Variants in GPR62 observed in about 807,000 individuals in gnomAD.
The protein encoded by GPR62 is G-protein coupled receptor GPCR8.
For synonymous variants in GPR62, 280 were observed against 286.9 expected (o/e 0.98, Z 0.24); for missense variants, 513 against 541.5 (o/e 0.95, Z 0.52).
chr3:51,955,694 C>T lies in GPR62; in HGVS notation c.42C>T (p.Gly14=). 2 of 1,609,306 alleles carry T rather than the reference C, an allele frequency of 1.2e-6. No homozygotes were observed. The highest frequency in any genetic ancestry group is 1.7e-6 in the Non-Finnish European group (2 of 1,177,740). ...GGCTGAACGCCTCAGAAGTCGCAGGCTCGTTGGGGTTGATCCTGGCAGCTG... is the reference window on the plus strand; with the variant it reads ...GGCTGAACGCCTCAGAAGTCGCAGGTTCGTTGGGGTTGATCCTGGCAGCTG... The part of the protein sequence containing the change: ...STGLNASEVA[G]SLGLILAAVV... The change falls in exon 1 of 1, where the codon GGC becomes GGT. Residue 14 remains glycine (G), a synonymous_variant. Coordinates refer to ENST00000322241, the MANE Select transcript of GPR62 (RefSeq NM_080865.4).
Position 51,956,894 on chromosome 3 carries a change from C to G in GPR62, c.*135C>G. ...GCTGCCTGGTGAGGCCCACGGACTT[C>G]TGAGAGCCAGGAATCCTGCGGTCTG... On this transcript the variant is annotated 3_prime_UTR_variant, in exon 1 of 1. Coordinates refer to ENST00000322241, the MANE Select transcript of GPR62 (RefSeq NM_080865.4). 1 of 1,431,568 alleles carries G rather than the reference C, an allele frequency of 7.0e-7. No individual in the cohort carries two copies. The highest frequency in any genetic ancestry group is 9.2e-7 in the Non-Finnish European group (1 of 1,083,598). The allele number at this position is 1,431,568 out of a possible 1,614,324, so 88.7% of individuals were successfully genotyped here.
Position 51,956,696 on chromosome 3 carries a change from C to G in GPR62, c.1044C>G (p.Thr348=), listed in dbSNP as rs1364296644. ...GCCCTTCTGAGGCTCCAGAACAGAC[C>G]CCCGAGTTGGCAGGAGGGCGGAGCC... ...AVGPSEAPEQ[T]PELAGGRSPA... The change falls in exon 1 of 1, where the codon ACC becomes ACG. Residue 348 remains threonine (T), a synonymous_variant. Coordinates refer to ENST00000322241, the MANE Select transcript of GPR62 (RefSeq NM_080865.4). The G allele has an allele frequency of 6.8e-6, 11 of 1,612,740 alleles. No individual in the cohort carries two copies. Among genetic ancestry groups the G allele is most frequent in the Non-Finnish European group, 9.3e-6 (11 of 1,179,828 alleles).
Position 51,956,055 on chromosome 3 carries a change from G to A in GPR62, c.403G>A (p.Ala135Thr), listed in dbSNP as rs1577665737. Residue 135 changes from alanine (A) to threonine (T), a missense_variant, in exon 1 of 1, where the codon GCC becomes ACC. Ala to Thr is a moderately conservative substitution (Grantham distance 58). Transcript: ENST00000322241. ...SRPPPVLVLT[A>T]VWAAAGLLGA... Reference sequence around the variant, plus strand: ...GCCGCCGCCTGTGCTCGTGCTCACCGCCGTGTGGGCCGCGGCGGGACTGCT... The same window carrying A: ...GCCGCCGCCTGTGCTCGTGCTCACCACCGTGTGGGCCGCGGCGGGACTGCT... 2.1e-6 allele frequency: 3 copies of A among 1,422,798 alleles called. No individual in the cohort carries two copies. Among genetic ancestry groups the A allele is most frequent in the East Asian group, 6.3e-5 (2 of 31,590 alleles). 88.1% of individuals were successfully genotyped at this position (1,422,798 alleles called of 1,614,324 possible).
In GPR62 at chr3:51,956,200, T is replaced by G. The variant is rs1699841460; in HGVS notation, c.548T>G (p.Leu183Arg). ...CTCTGGGCCCTGCTGGCCTTCGCGC[T>G]GCCCGCCCTCCTGCTGCTCGGCGCC... ...RPLWALLAFA[L>R]PALLLLGAYG... The change falls in exon 1 of 1, where the codon CTG becomes CGG. Residue 183 changes from leucine to arginine, a missense_variant. By Grantham distance (102) the Leu-to-Arg change is moderately radical. Transcript: ENST00000322241. 2.6e-6 allele frequency: 4 copies of G among 1,514,312 alleles called. No homozygotes were observed. Among genetic ancestry groups the G allele is most frequent in the Non-Finnish European group, 3.5e-6 (4 of 1,143,104 alleles). The allele number at this position is 1,514,312 out of a possible 1,614,324, so 93.8% of individuals were successfully genotyped here.
rs1363436503 is a variant in GPR62, at chr3:51,956,806, C to G, written c.*47C>G. The G allele has an allele frequency of 6.5e-7, 1 of 1,533,788 alleles. No homozygotes were observed. The highest frequency in any genetic ancestry group is 8.7e-7 in the Non-Finnish European group (1 of 1,143,088). ...TCCGTGGGGGCTCATCCAACCCCTGCACAGGTCACAGCAGGTGCCCTGCTG... is the reference window on the plus strand; with the variant it reads ...TCCGTGGGGGCTCATCCAACCCCTGGACAGGTCACAGCAGGTGCCCTGCTG... On this transcript the variant is annotated 3_prime_UTR_variant, in exon 1 of 1. Transcript: ENST00000322241.
Position 51,955,952 on chromosome 3 carries a change from G to A in GPR62, c.300G>A (p.Pro100=), listed in dbSNP as rs1335200543. 3.5e-6 allele frequency: 5 copies of A among 1,419,512 alleles called. No homozygotes were observed. The highest frequency in any genetic ancestry group is 4.6e-6 in the Non-Finnish European group (5 of 1,086,478). The allele number at this position is 1,419,512 out of a possible 1,614,324, so 87.9% of individuals were successfully genotyped here. A position where few individuals can be genotyped will look rare whatever the true frequency, so the allele number is the denominator to read the frequency against. Residue 100 remains proline, a synonymous_variant, in exon 1 of 1, where the codon CCG becomes CCA. Coordinates refer to ENST00000322241, the MANE Select transcript of GPR62 (RefSeq NM_080865.4). The stretch of plus-strand genomic sequence containing the variant: ...GCTTCCTCTCCGCCGCTCTGCTGCC[G>A]GCCTGCACGCTCGGGGTGGCCGCAC... ...AARFLSAALL[P]ACTLGVAALG...
At position 51,956,695 on chromosome 3, in the gene GPR62, C is replaced by A; in HGVS notation, c.1043C>A (p.Thr348Asn). 1 of 1,612,720 alleles carries A rather than the reference C, an allele frequency of 6.2e-7. No individual in the cohort carries two copies. The highest frequency in any genetic ancestry group is 8.5e-7 in the Non-Finnish European group (1 of 1,179,812). Reference sequence around the variant, plus strand: ...GGCCCTTCTGAGGCTCCAGAACAGACCCCCGAGTTGGCAGGAGGGCGGAGC... The same window carrying A: ...GGCCCTTCTGAGGCTCCAGAACAGAACCCCGAGTTGGCAGGAGGGCGGAGC... The part of the protein sequence containing the change: ...AVGPSEAPEQ[T>N]PELAGGRSPA... The change falls in exon 1 of 1, where the codon ACC (threonine) becomes AAC (asparagine). Residue 348 changes from threonine (T) to asparagine (N), a missense_variant. Coordinates refer to ENST00000322241, the MANE Select transcript of GPR62 (RefSeq NM_080865.4).
In GPR62 at chr3:51,956,743, A is replaced by T; in HGVS notation, c.1091A>T (p.Glu364Val). 1 of 1,608,210 alleles carries T rather than the reference A, an allele frequency of 6.2e-7. No individual in the cohort carries two copies. Among genetic ancestry groups the T allele is most frequent in the African/African-American group, 1.3e-5 (1 of 74,764 alleles). Residue 364 changes from glutamate (E) to valine (V), a missense_variant, in exon 1 of 1, where the codon GAG becomes GTG. Physicochemically the swap from Glu to Val is moderately radical, Grantham distance 121. Transcript: ENST00000322241. The part of the protein sequence containing the change: ...GRSPAYQGPP[E>V]SSLS The stretch of plus-strand genomic sequence containing the variant: ...AGCCCCGCATACCAGGGGCCACCTG[A>T]GAGTTCTCTCTCCTGAGCAGGAGAA...
In GPR62 at chr3:51,956,003, C is replaced by T; in HGVS notation, c.351C>T (p.Ile117=). ...AALGLARYRL[I]VHPLRPGSRP... ...TTGGCCTGGCACGCTACCGCCTCAT[C>T]GTGCACCCGCTGCGGCCAGGCTCGC... Residue 117 remains isoleucine, a synonymous_variant, in exon 1 of 1, where the codon ATC becomes ATT. Coordinates refer to ENST00000322241, the MANE Select transcript of GPR62 (RefSeq NM_080865.4). 5 of 1,433,908 alleles carry T rather than the reference C, an allele frequency of 3.5e-6. No individual in the cohort carries two copies. The highest frequency in any genetic ancestry group is 4.6e-6 in the Non-Finnish European group (5 of 1,096,178). 88.8% of individuals were successfully genotyped at this position (1,433,908 alleles called of 1,614,324 possible).
chr3:51,956,210 C>T lies in GPR62; in HGVS notation c.558C>T (p.Leu186=). 3 of 1,529,658 alleles carry T rather than the reference C, an allele frequency of 2.0e-6. No homozygotes were observed. The highest frequency in any genetic ancestry group is 2.6e-5 in the East Asian group (1 of 38,386). 94.8% of individuals were successfully genotyped at this position (1,529,658 alleles called of 1,614,324 possible). The change falls in exon 1 of 1, where the codon CTC becomes CTT. Residue 186 remains leucine, a synonymous_variant. Coordinates refer to ENST00000322241, the MANE Select transcript of GPR62 (RefSeq NM_080865.4). Reference sequence around the variant, plus strand: ...TGCTGGCCTTCGCGCTGCCCGCCCTCCTGCTGCTCGGCGCCTACGGCGGCA... The same window carrying T: ...TGCTGGCCTTCGCGCTGCCCGCCCTTCTGCTGCTCGGCGCCTACGGCGGCA... ...WALLAFALPA[L]LLLGAYGGIF... is the part of the protein sequence containing the mutation.
In GPR62 at chr3:51,955,899, C is replaced by A; in HGVS notation, c.247C>A (p.Leu83Met). 1 of 1,328,882 alleles carries A rather than the reference C, an allele frequency of 7.5e-7. No homozygotes were observed. Among genetic ancestry groups the A allele is most frequent in the African/African-American group, 1.6e-5 (1 of 64,286 alleles). The allele number at this position is 1,328,882 out of a possible 1,614,324, so 82.3% of individuals were successfully genotyped here. A position where few individuals can be genotyped will look rare whatever the true frequency, so the allele number is the denominator to read the frequency against. The change falls in exon 1 of 1, where the codon CTG becomes ATG. Residue 83 changes from leucine to methionine, a missense_variant. By Grantham distance (15) the Leu-to-Met change is conservative. Coordinates refer to ENST00000322241, the MANE Select transcript of GPR62 (RefSeq NM_080865.4). ...GCCGCCCGGGCTGGGCCGCGTGCGC[C>A]TGGGCCCCGCGCCATGCCGCGCCGC... The part of the protein sequence containing the change: ...APPPGLGRVR[L>M]GPAPCRAARF...
rs1284522472 is a variant in GPR62 at position 51,956,146 on chromosome 3, T to C, written c.494T>C (p.Leu165Pro). 1.4e-6 allele frequency: 2 copies of C among 1,474,872 alleles called. No individual in the cohort carries two copies. The highest frequency in any genetic ancestry group is 1.8e-6 in the Non-Finnish European group (2 of 1,121,916). The allele number at this position is 1,474,872 out of a possible 1,614,324, so 91.4% of individuals were successfully genotyped here. A position where few individuals can be genotyped will look rare whatever the true frequency, so the allele number is the denominator to read the frequency against. The change falls in exon 1 of 1, where the codon CTG becomes CCG. Residue 165 changes from leucine (L) to proline (P), a missense_variant. Leu to Pro is a moderately conservative substitution (Grantham distance 98). Coordinates refer to ENST00000322241, the MANE Select transcript of GPR62 (RefSeq NM_080865.4). ...PPPAPARCSV[L>P]AGGLGPFRPL... ...CCTGCTCCTGCTCGCTGCTCGGTCC[T>C]GGCTGGGGGCCTCGGGCCCTTCCGG...
Position 51,956,244 on chromosome 3 carries a change from G to C in GPR62, c.592G>C (p.Val198Leu). 1 of 1,548,724 alleles carries C rather than the reference G, an allele frequency of 6.5e-7. No homozygotes were observed. Among genetic ancestry groups the C allele is most frequent in the Non-Finnish European group, 8.6e-7 (1 of 1,159,630 alleles). ...CGGCGCCTACGGCGGCATCTTCGTG[G>C]TGGCGCGTCGCGCTGCCCTGAGGCC... is the stretch of plus-strand genomic sequence containing the variant. ...LLGAYGGIFV[V>L]ARRAALRPPR... The change falls in exon 1 of 1, where the codon GTG becomes CTG. Residue 198 changes from valine (V) to leucine (L), a missense_variant. Transcript: ENST00000322241.
In GPR62 at chr3:51,955,708, T is replaced by G. The variant is rs771286570; in HGVS notation, c.56T>G (p.Ile19Ser). The G allele has an allele frequency of 1.9e-6, 3 of 1,609,054 alleles. No homozygotes were observed. In the South Asian group the frequency reaches 3.3e-5, roughly 18 times the overall value. Residue 19 changes from isoleucine (I) to serine (S), a missense_variant, in exon 1 of 1, where the codon ATC (isoleucine) becomes AGC (serine). Ile to Ser is a moderately radical substitution (Grantham distance 142, BLOSUM62 -2). Coordinates refer to ENST00000322241, the MANE Select transcript of GPR62 (RefSeq NM_080865.4). ...GAAGTCGCAGGCTCGTTGGGGTTGA[T>G]CCTGGCAGCTGTCGTGGAGGTGGGG... ...ASEVAGSLGL[I>S]LAAVVEVGAL...
Position 51,955,448 on chromosome 3 carries a change from C to G in GPR62, c.-205C>G, listed in dbSNP as rs1163168647. On this transcript the variant is annotated 5_prime_UTR_variant, in exon 1 of 1. Coordinates refer to ENST00000322241, the MANE Select transcript of GPR62 (RefSeq NM_080865.4). ...GGGCAGGGGAGAAAGACAGCAGACT[C>G]ATCCTTGCACCCCTCCATGGGCCTG... 3 of 480,202 alleles carry G rather than the reference C, an allele frequency of 6.2e-6. No homozygotes were observed. The highest frequency in any genetic ancestry group is 1.1e-5 in the Non-Finnish European group (3 of 271,124). The allele number at this position is 480,202 out of a possible 1,614,324, so 29.7% of individuals were successfully genotyped here. A position where few individuals can be genotyped will look rare whatever the true frequency, so the allele number is the denominator to read the frequency against.
In GPR62 at chr3:51,956,631, T is replaced by C. The variant is rs759602255; in HGVS notation, c.979T>C (p.Leu327=). ...TPQAWHPRAL[L]QCLQRPPEGP... is the part of the protein sequence containing the mutation. ...GCAAGCCTGGCACCCGCGGGCACTCTTGCAATGCCTCCAGAGACCCCCAGA... is the reference window on the plus strand; with the variant it reads ...GCAAGCCTGGCACCCGCGGGCACTCCTGCAATGCCTCCAGAGACCCCCAGA... The change falls in exon 1 of 1, where the codon TTG becomes CTG. Residue 327 remains leucine (L), a synonymous_variant. Coordinates refer to ENST00000322241, the MANE Select transcript of GPR62 (RefSeq NM_080865.4). 2 of 1,612,744 alleles carry C rather than the reference T, an allele frequency of 1.2e-6. No homozygotes were observed. Among genetic ancestry groups the C allele is most frequent in the Non-Finnish European group, 1.7e-6 (2 of 1,179,984 alleles).
In GPR62 at chr3:51,955,885, T is replaced by C. The variant is rs1699831448; in HGVS notation, c.233T>C (p.Leu78Pro). 1.5e-6 allele frequency: 2 copies of C among 1,354,408 alleles called. No individual in the cohort carries two copies. The highest frequency in any genetic ancestry group is 1.6e-5 in the African/African-American group (1 of 64,422). The allele number at this position is 1,354,408 out of a possible 1,614,324, so 83.9% of individuals were successfully genotyped here. A position where few individuals can be genotyped will look rare whatever the true frequency, so the allele number is the denominator to read the frequency against. Residue 78 changes from leucine (L) to proline (P), a missense_variant, in exon 1 of 1, where the codon CTG (leucine) becomes CCG (proline). Leu to Pro is a moderately conservative substitution (Grantham distance 98). Coordinates refer to ENST00000322241, the MANE Select transcript of GPR62 (RefSeq NM_080865.4). ...LGLLAAPPPG[L>P]GRVRLGPAPC... ...CTGCTGGCCGCACCGCCGCCCGGGCTGGGCCGCGTGCGCCTGGGCCCCGCG... is the reference window on the plus strand; with the variant it reads ...CTGCTGGCCGCACCGCCGCCCGGGCCGGGCCGCGTGCGCCTGGGCCCCGCG...
rs778365949 is a variant in GPR62 at position 51,956,465 on chromosome 3, C to A, written c.813C>A (p.Ala271=). Residue 271 remains alanine, a synonymous_variant, in exon 1 of 1, where the codon GCC becomes GCA. Transcript: ENST00000322241. ...CLAPAARAAE[A]EAAVTWVAYS... is the part of the protein sequence containing the mutation. The stretch of plus-strand genomic sequence containing the variant: ...CGCCCGCAGCGCGGGCCGCGGAAGC[C>A]GAAGCGGCTGTCACCTGGGTCGCCT... 6.4e-7 allele frequency: 1 copy of A among 1,550,688 alleles called. No homozygotes were observed. Among genetic ancestry groups the A allele is most frequent in the Non-Finnish European group, 8.7e-7 (1 of 1,153,942 alleles).
In GPR62 at chr3:51,956,459, G is replaced by A. The variant is rs758693241; in HGVS notation, c.807G>A (p.Ala269=). 1.9e-6 allele frequency: 3 copies of A among 1,542,406 alleles called. No homozygotes were observed. Among genetic ancestry groups the A allele is most frequent in the South Asian group, 1.2e-5 (1 of 84,264 alleles). The change falls in exon 1 of 1, where the codon GCG becomes GCA. Residue 269 remains alanine, a synonymous_variant. Transcript: ENST00000322241. Reference sequence around the variant, plus strand: ...GCCTGGCGCCCGCAGCGCGGGCCGCGGAAGCCGAAGCGGCTGTCACCTGGG... The same window carrying A: ...GCCTGGCGCCCGCAGCGCGGGCCGCAGAAGCCGAAGCGGCTGTCACCTGGG... ...CACLAPAARA[A]EAEAAVTWVA... is the part of the protein sequence containing the mutation.
Sources: allele counts gnomAD v4.1 joint callset, GRCh38; gene constraint gnomAD v4.1.1; transcripts MANE v1.5; gene names NCBI Gene and HGNC (gene_info 2026-07-23, HGNC 2026-07-21).